EFCC1: variants seen among roughly 807,000 people sequenced by gnomAD.
EFCC1 encodes the protein EF-hand and coiled-coil domain containing 1.
In EFCC1, 50 loss-of-function variants were observed where a neutral mutation model predicts 52.1. That is an observed-to-expected ratio of 0.96 (90% CI 0.76 to 1.21). The LOEUF is 1.21. Among genes scored for constraint, EFCC1 ranks in the 50% most tolerant of loss-of-function variants. The probability of loss-of-function intolerance (pLI) is 0.00; values close to 1 mark genes in which losing one functional copy is unlikely to be tolerated. For missense variants in EFCC1, 837 were observed against 867.3 expected, an observed-to-expected ratio of 0.97 and a Z score of 0.44; for synonymous variants, 399 against 396.5, an observed-to-expected ratio of 1.01 and a Z score of -0.08.
rs116102476 is a variant in EFCC1 at position 129,023,708 on chromosome 3, T to G, written c.981-6995T>G. Among the ~76,000 whole-genome samples, 1,341 of 152,324 alleles carry G rather than the reference T, an allele frequency of 8.8e-3. 25 individuals are homozygous for G. Among genetic ancestry groups the G allele is most frequent in the African/African-American group, 0.031 (1,270 of 41,568 alleles). On this transcript the variant is annotated intron_variant, in intron 2 of 7. Coordinates refer to ENST00000683648, the MANE Select transcript of EFCC1 (RefSeq NM_001377500.1). ...TGGGTTTTCATTATTGGTTATAATA[T>G]TTACCACTACATAAAATATGTATTA...
chr3:129,002,117 C>T lies in EFCC1; in HGVS notation c.489C>T (p.Arg163=). 2 of 1,481,282 alleles carry T rather than the reference C, an allele frequency of 1.4e-6. No homozygotes were observed. The highest frequency in any genetic ancestry group is 2.7e-5 in the East Asian group (1 of 36,484). The allele number at this position is 1,481,282 out of a possible 1,614,324, so 91.8% of individuals were successfully genotyped here. The stretch of plus-strand genomic sequence containing the variant: ...CCCGTGCGGGGCCCCGGCTGCCCCG[C>T]GGCGCTCTCAGCGAGCACATCGAGA... ...FGTRAGPRLP[R]GALSEHIETQ... is the part of the protein sequence containing the mutation. Residue 163 remains arginine, a synonymous_variant, in exon 1 of 8, where the codon CGC becomes CGT. Transcript: ENST00000683648.
Position 129,039,865 on chromosome 3 carries a change from T to C in EFCC1, c.*17T>C. The C allele has an allele frequency of 6.3e-7, 1 of 1,587,460 alleles. No homozygotes were observed. The highest frequency in any genetic ancestry group is 2.3e-5 in the East Asian group (1 of 43,960). On this transcript the variant is annotated 3_prime_UTR_variant, in exon 8 of 8. Transcript: ENST00000683648. ...TCCTGCTGAGGTTACTGGCCCACCCTGTGGGCACCCTGCTCAGCCTGACTG... is the reference window on the plus strand; with the variant it reads ...TCCTGCTGAGGTTACTGGCCCACCCCGTGGGCACCCTGCTCAGCCTGACTG...
intron 2 of EFCC1, among the ~76,000 whole-genome samples, chr3:129,029,181 G>A (rs770056889): frequency 7.2e-5 from 11 of 152,162 alleles, no homozygotes; most frequent in South Asian, 2.1e-4. Context: ...GGGTTGTTAC[G>A]ACGAGATGGA....
intron 2 of EFCC1, among the ~76,000 whole-genome samples, chr3:129,006,312 T>G (rs942442100): frequency 2.0e-5 from 3 of 152,144 alleles, no homozygotes; most frequent in Non-Finnish European, 2.9e-5. Flanking sequence ...TGGAGTTCTG[T>G]TTTTTGTTCG....
chr3:129,033,893 G>T (rs1415799382), intron 4 of EFCC1, among the ~76,000 whole-genome samples: 2 of 152,246 alleles, frequency 1.3e-5, no homozygotes, highest in Non-Finnish European at 1.5e-5. Context: ...AGGCATGTTG[G>T]CGGGACCGCC....
chr3:129,011,135 A>G (rs775140275), intron 2 of EFCC1, among the ~76,000 whole-genome samples: 3 of 152,238 alleles, frequency 2.0e-5, no homozygotes, highest in African/African-American at 7.2e-5. Flanking sequence ...TGTGAGCCTC[A>G]GCTCATCTGT....
chr3:129,002,014 C>T lies in EFCC1; in HGVS notation c.386C>T (p.Ala129Val). The change falls in exon 1 of 8, where the codon GCG becomes GTG. Residue 129 changes from alanine (A) to valine (V), a missense_variant. By Grantham distance (64) the Ala-to-Val change is moderately conservative. Transcript: ENST00000683648. Reference sequence around the variant, plus strand: ...GGGGACTCAGATACCGATGAAGAGGCGCGCCTGGCGCTGCGCGCCGAGCCG... The same window carrying T: ...GGGGACTCAGATACCGATGAAGAGGTGCGCCTGGCGCTGCGCGCCGAGCCG... Reference protein sequence around the residue: ...TDGDSDTDEEARLALRAEPPE... With the variant: ...TDGDSDTDEEVRLALRAEPPE... The T allele has an allele frequency of 6.5e-7, 1 of 1,545,688 alleles. No homozygotes were observed. Among genetic ancestry groups the T allele is most frequent in the Non-Finnish European group, 8.7e-7 (1 of 1,145,124 alleles).
chr3:129,029,585 G>T (rs902686893), intron 2 of EFCC1, among the ~76,000 whole-genome samples: 14 of 148,170 alleles, frequency 9.4e-5, no homozygotes, highest in South Asian at 6.4e-4. Flanking sequence ...TTGTTTTTTG[G>T]TTTTTTTTTT....
At chr3:129,003,752 C>A in intron 1 of EFCC1, 42 bp from the exon 2 acceptor site, 1 of 1,344,270 alleles carries the variant, frequency 7.4e-7, no homozygotes, top group South Asian at 1.6e-5. Flanking sequence ...GTGCATCTGG[C>A]TGGGGCACTT....
chr3:129,027,235 A>AGCACG (rs1220476563), intron 2 of EFCC1, among the ~76,000 whole-genome samples: 2 of 152,142 alleles, frequency 1.3e-5, no homozygotes, highest in Admixed American at 6.5e-5. Context: ...TATGCTGATG[A>AGCACG]GCACGGGGAG....
chr3:129,018,648 G>C (rs561626556), intron 2 of EFCC1, among the ~76,000 whole-genome samples: 1 of 152,304 alleles, frequency 6.6e-6, no homozygotes, highest in African/African-American at 2.4e-5. Flanking sequence ...CCAACCTTGG[G>C]ATTCCTCATG....
At chr3:129,003,704 A>G in intron 1 of EFCC1, 90 bp from the exon 2 acceptor site, 1 of 1,193,020 alleles carries the variant, frequency 8.4e-7, no homozygotes, top group Non-Finnish European at 1.1e-6. Flanking sequence ...TTCTGGGTGC[A>G]GAGGCATGGG....
chr3:129,010,291 C>T lies in EFCC1; in HGVS notation c.980+6214C>T, dbSNP rs1425250492. On this transcript the variant is annotated intron_variant, in intron 2 of 7. Coordinates refer to ENST00000683648, the MANE Select transcript of EFCC1 (RefSeq NM_001377500.1). This position sits in a 1 kb window ranked among gnomAD's most constrained non-coding sequence, Gnocchi z 4.3. ...GCCTGGCCTGGCCCCCTACCCTGCT[C>T]TGAAGCCAAGGAGCAGCTGAGTCCC... Among the ~76,000 whole-genome samples, 2 of 152,144 alleles carry T rather than the reference C, an allele frequency of 1.3e-5. No homozygotes were observed. Among genetic ancestry groups the T allele is most frequent in the African/African-American group, 4.8e-5 (2 of 41,432 alleles).
chr3:129,001,623 G>C lies in EFCC1; in HGVS notation c.-6G>C. On this transcript the variant is annotated 5_prime_UTR_variant, in exon 1 of 8. Coordinates refer to ENST00000683648, the MANE Select transcript of EFCC1 (RefSeq NM_001377500.1). The stretch of plus-strand genomic sequence containing the variant: ...GGACCGGAGGAGCGAGGCGCGCGGC[G>C]CAGCGATGGAGCCGGTCAGCACGGG... The C allele has an allele frequency of 1.5e-6, 2 of 1,355,374 alleles. No individual in the cohort carries two copies. Among genetic ancestry groups the C allele is most frequent in the Non-Finnish European group, 1.9e-6 (2 of 1,059,020 alleles). 84.0% of individuals were successfully genotyped at this position (1,355,374 alleles called of 1,614,324 possible). A position where few individuals can be genotyped will look rare whatever the true frequency, so the allele number is the denominator to read the frequency against.
At chr3:129,015,348 G>A (rs920458746) in intron 2 of EFCC1, among the ~76,000 whole-genome samples, 7 of 152,060 alleles carry the variant, frequency 4.6e-5, no homozygotes, top group African/African-American at 9.7e-5. Context: ...TCTTCCTAAC[G>A]TCTTTCACGG....
rs556585061 is a variant in EFCC1, at chr3:129,010,522, G to C, written c.980+6445G>C. On this transcript the variant is annotated intron_variant, in intron 2 of 7. Transcript: ENST00000683648. This position sits in a 1 kb window ranked among gnomAD's most constrained non-coding sequence, Gnocchi z 4.3. ...GGGATGGAGGAAAGGGGGTGGGAGA[G>C]GGAGGGAGGAGGGACGGCAATTGGC... is the stretch of plus-strand genomic sequence containing the variant. Among the ~76,000 whole-genome samples, 11 of 152,146 alleles carry C rather than the reference G, an allele frequency of 7.2e-5. No homozygotes were observed. The highest frequency in any genetic ancestry group is 2.4e-4 in the African/African-American group (10 of 41,436).
chr3:129,021,420 G>A (rs1945836585), intron 2 of EFCC1, among the ~76,000 whole-genome samples: 1 of 152,148 alleles, frequency 6.6e-6, no homozygotes, highest in Non-Finnish European at 1.5e-5. Context: ...AACTCATGGT[G>A]CTTAAGCTGC....
At chr3:129,011,816 C>T (rs1244839959) in intron 2 of EFCC1, among the ~76,000 whole-genome samples, 11 of 152,162 alleles carry the variant, frequency 7.2e-5, no homozygotes, top group Admixed American at 7.2e-4. Context: ...GATATACCCT[C>T]TCTCGAGCCT....
chr3:129,006,320 T>C (rs1360489922), intron 2 of EFCC1, among the ~76,000 whole-genome samples: 1 of 152,160 alleles, frequency 6.6e-6, no homozygotes, highest in African/African-American at 2.4e-5. Context: ...TGTTTTTTGT[T>C]CGTTTGTTTG....
Sources: gnomAD v4.1 joint callset for allele counts (sites outside exome capture counted in the v4.1 genomes callset) on GRCh38, gnomAD v4.1.1 for gene constraint, Gnocchi (gnomAD v3.1) non-coding constraint, MANE v1.5 for transcripts, NCBI Gene and HGNC (gene_info 2026-07-23, HGNC 2026-07-21) for gene names.